The following LNX2 variants were observed in gnomAD, a reference collection of about 807,000 sequenced individuals.
The protein encoded by LNX2 is ligand of numb-protein X 2, also known as ligand of Numb protein X 2.
A neutral mutation model predicts 66.2 loss-of-function variants in LNX2; 35 were observed. That is an observed-to-expected ratio of 0.53 (90% CI 0.40 to 0.70). LNX2 has a LOEUF of 0.70. Ranked by LOEUF, LNX2 falls within the 30% of genes least tolerant of loss-of-function variation. The pLI is 0.00. For missense variants in LNX2, 791 were observed against 850.8 expected (o/e 0.93, Z 0.87); for synonymous variants, 337 against 315.6 (o/e 1.07, Z -0.72).
At chr13:27,565,251 T>C (rs1955190198) in intron 4 of LNX2, among the ~76,000 whole-genome samples, 1 of 152,168 alleles carries the variant, frequency 6.6e-6, no homozygotes, top group Non-Finnish European at 1.5e-5. Context: ...ACTGATGAAA[T>C]GTATTAGTAA....
chr13:27,568,871 A>T (rs1955239241), intron 3 of LNX2, among the ~76,000 whole-genome samples, 158 bp downstream of exon 3: 1 of 152,244 alleles, frequency 6.6e-6, no homozygotes, highest in African/African-American at 2.4e-5. Flanking sequence ...GAAAAGGGTG[A>T]ATGATGTATA....
At chr13:27,551,571 G>A (rs536996536) in intron 8 of LNX2, among the ~76,000 whole-genome samples, 23 of 151,666 alleles carry the variant, frequency 1.5e-4, no homozygotes, top group Admixed American at 7.9e-4. Context: ...CTAAATGCAC[G>A]GAAGGCAAGG....
intron 1 of LNX2, among the ~76,000 whole-genome samples, chr13:27,588,054 G>A (rs932666757): frequency 5.4e-5 from 7 of 129,482 alleles, no homozygotes; most frequent in African/African-American, 1.5e-4. Flanking sequence ...AAAAAAAGCA[G>A]TGCTGTCAAA....
rs1242930383 is a variant in LNX2 at position 27,560,565 on chromosome 13, G to GCATATATATATATATATATATATATA, written c.1225-581_1225-580insTATATATATATATATATATATATATG. On this transcript the variant is annotated intron_variant, in intron 5 of 9. Coordinates refer to ENST00000316334, the MANE Select transcript of LNX2 (RefSeq NM_153371.4). ...ATAACAAGACTTTATATGTATGTGTGTATATATATATATATATATAGCATA... is the reference window on the plus strand; with the variant it reads ...ATAACAAGACTTTATATGTATGTGTGCATATATATATATATATATATATATATATATATATATATATATATAGCATA... Among the ~76,000 whole-genome samples, 920 of 119,840 alleles carry GCATATATATATATATATATATATATA rather than the reference G, an allele frequency of 7.7e-3. 12 individuals carry two copies. Among genetic ancestry groups the GCATATATATATATATATATATATATA allele is most frequent in the Middle Eastern group, 0.029 (6 of 210 alleles). The allele number at this position is 119,840 out of a possible 152,430, so 78.6% of individuals were successfully genotyped here. A position where few individuals can be genotyped will look rare whatever the true frequency, so the allele number is the denominator to read the frequency against.
chr13:27,585,562 C>T (rs777034968), intron 1 of LNX2, among the ~76,000 whole-genome samples: 1 of 152,018 alleles, frequency 6.6e-6, no homozygotes, highest in Non-Finnish European at 1.5e-5. Flanking sequence ...TGTTCTTCTC[C>T]CTTTGAGCAT....
chr13:27,583,206 G>T (rs1566124650), intron 1 of LNX2, among the ~76,000 whole-genome samples: 4 of 18,008 alleles, frequency 2.2e-4, no homozygotes, highest in African/African-American at 6.1e-4. Context: ...GTGTGTGTGT[G>T]TGTGTGTGTG....
chr13:27,559,396 A>C (rs766556015), intron 6 of LNX2, among the ~76,000 whole-genome samples: 5 of 152,216 alleles, frequency 3.3e-5, no homozygotes, highest in Non-Finnish European at 7.3e-5. Context: ...TCATATGTTT[A>C]ATCTTCATGT....
intron 2 of LNX2, among the ~76,000 whole-genome samples, chr13:27,572,989 A>G (rs953280161): frequency 1.3e-5 from 2 of 152,218 alleles, no homozygotes; most frequent in African/African-American, 2.4e-5. Flanking sequence ...TCTCCTCCAT[A>G]AAAGCAGTAA....
chr13:27,569,443 G>A (rs2138362342), intron 2 of LNX2, among the ~76,000 whole-genome samples, 167 bp from the exon 3 acceptor site: 1 of 152,288 alleles, frequency 6.6e-6, no homozygotes, highest in East Asian at 1.9e-4. Flanking sequence ...AGTTCTTACT[G>A]CTCCATAGAG....
intron 9 of LNX2, among the ~76,000 whole-genome samples, chr13:27,549,163 A>AT (rs554252510): frequency 2.8e-4 from 43 of 152,094 alleles, no homozygotes; most frequent in African/African-American, 9.9e-4. Context: ...TCCTAAAATG[A>AT]TTTTTTTTCA....
chr13:27,602,838 GCTGT>G (rs748427514), intron 1 of LNX2, among the ~76,000 whole-genome samples: 8 of 152,054 alleles, frequency 5.3e-5, no homozygotes, highest in East Asian at 3.9e-4. Flanking sequence ...AACATTTGAT[GCTGT>G]CTTTTTAATT....
chr13:27,589,340 A>C (rs1955525131), intron 1 of LNX2, among the ~76,000 whole-genome samples: 1 of 152,224 alleles, frequency 6.6e-6, no homozygotes, highest in Non-Finnish European at 1.5e-5. Context: ...ACTATAATCT[A>C]CTGGCTTTGC....
intron 4 of LNX2, among the ~76,000 whole-genome samples, chr13:27,564,085 G>A (rs1830126009): frequency 6.6e-6 from 1 of 152,176 alleles, no homozygotes; most frequent in Admixed American, 6.5e-5. Context: ...CTACCTACCT[G>A]TAGGTTCACA....
intron 1 of LNX2, among the ~76,000 whole-genome samples, chr13:27,583,169 AGTGT>A (rs763165039): frequency 0.016 from 691 of 44,046 alleles, 42 homozygotes; most frequent in Non-Finnish European, 0.018. Flanking sequence ...TCAGAGCAGC[AGTGT>A]GTGTGTGTGT....
chr13:27,595,221 A>G (rs1034181634), intron 1 of LNX2, among the ~76,000 whole-genome samples: 4 of 152,136 alleles, frequency 2.6e-5, no homozygotes, highest in African/African-American at 7.2e-5. Context: ...GGTCAGCTCA[A>G]GTAAACACTC....
chr13:27,550,267 C>T (rs1954990893), intron 9 of LNX2, 66 bp downstream of exon 9: 2 of 1,434,808 alleles, frequency 1.4e-6, no homozygotes, highest in East Asian at 4.6e-5. Context: ...TGACCCCTGA[C>T]CCCTGGTCTA....
chr13:27,620,813 G>A (rs959504638), upstream of LNX2: 1 of 153,414 alleles, frequency 6.5e-6, no homozygotes, highest in Non-Finnish European at 1.5e-5. Flanking sequence ...TTCCCCTGCG[G>A]AAGCCCCGCT....
At chr13:27,554,105 C>G (rs1026264473) in intron 7 of LNX2, among the ~76,000 whole-genome samples, 14 of 152,124 alleles carry the variant, frequency 9.2e-5, no homozygotes, top group African/African-American at 3.1e-4. Context: ...GCTACAAAGT[C>G]TACAGAAATT....
chr13:27,562,519 C>G lies in LNX2; in HGVS notation c.1118G>C (p.Gly373Ala). 6.2e-7 allele frequency: 1 copy of G among 1,614,140 alleles called. No individual in the cohort carries two copies. Among genetic ancestry groups the G allele is most frequent in the African/African-American group, 1.3e-5 (1 of 75,032 alleles). The change falls in exon 5 of 10, where the codon GGG (glycine) becomes GCG (alanine). Residue 373 changes from glycine to alanine, a missense_variant. Physicochemically the swap from Gly to Ala is moderately conservative, Grantham distance 60. Coordinates refer to ENST00000316334, the MANE Select transcript of LNX2 (RefSeq NM_153371.4). Reference protein sequence around the residue: ...GVFILDLLEGGLAAQDGRLSS... With the variant: ...GVFILDLLEGALAAQDGRLSS... Reference sequence around the variant, plus strand: ...TAGCCTGCCGTCCTGGGCAGCCAACCCCCCTTCCAACAGGTCAAGAATAAA... The same window carrying G: ...TAGCCTGCCGTCCTGGGCAGCCAACGCCCCTTCCAACAGGTCAAGAATAAA...
Sources: allele counts gnomAD v4.1 joint callset (sites outside exome capture counted in the v4.1 genomes callset), GRCh38; gene constraint gnomAD v4.1.1; transcripts MANE v1.5; gene names NCBI Gene and HGNC (gene_info 2026-07-23, HGNC 2026-07-21).